The following TRIM37 variants were observed in gnomAD, a reference collection of about 807,000 sequenced individuals.
TRIM37 encodes tripartite motif containing 37.
Under a neutral mutation model 129.8 loss-of-function variants are expected in TRIM37, and 80 were observed. That is an observed-to-expected ratio of 0.62 (90% confidence interval 0.51 to 0.74). The LOEUF is 0.74. TRIM37 is among the 30% of genes least tolerant of loss of function. The pLI, the probability that TRIM37 is intolerant of heterozygous loss-of-function variation, is 0.00. For synonymous variants in TRIM37, 389 were observed against 387.1 expected, an observed-to-expected ratio of 1.00 and a Z score of -0.06; for missense variants, 1,054 against 1,176.5, an observed-to-expected ratio of 0.90 and a Z score of 1.52.
chr17:59,101,018 G>A (rs1348155728), intron 2 of TRIM37, among the ~76,000 whole-genome samples: 1 of 120,466 alleles, frequency 8.3e-6, no homozygotes, highest in Non-Finnish European at 1.7e-5. Context: ...GCAAAACGCC[G>A]TCTCAAAAAA....
chr17:59,088,517 A>ATTT, intron 3 of TRIM37, 110 bp from the exon 4 acceptor site: 1 of 605,066 alleles, frequency 1.7e-6, no homozygotes, highest in Non-Finnish European at 2.9e-6. Flanking sequence ...CCATAACACT[A>ATTT]TTTTTTTTTT....
chr17:59,075,720 G>A lies in TRIM37; in HGVS notation c.617-6C>T, dbSNP rs753866395. ...GGTTAGAGATGTCTTCTGACCTGATGAAAAATAGTGAATCATCAACACTTG... is the reference window on the plus strand; with the variant it reads ...GGTTAGAGATGTCTTCTGACCTGATAAAAAATAGTGAATCATCAACACTTG... On this transcript the variant is annotated splice_polypyrimidine_tract_variant and splice_region_variant and intron_variant, in intron 7 of 23. Coordinates refer to ENST00000262294, the MANE Select transcript of TRIM37 (RefSeq NM_015294.6). 1 of 1,600,688 alleles carries A rather than the reference G, an allele frequency of 6.2e-7. No individual in the cohort carries two copies. Among genetic ancestry groups the A allele is most frequent in the South Asian group, 1.1e-5 (1 of 90,706 alleles).
chr17:59,062,754 T>C, intron 10 of TRIM37, 106 bp from the exon 11 acceptor site: 1 of 880,822 alleles, frequency 1.1e-6, no homozygotes. Flanking sequence ...CTTGAAATCC[T>C]AGACAAATAA....
At chr17:59,070,366 T>C (rs183602043) in intron 9 of TRIM37, among the ~76,000 whole-genome samples, 1 of 152,306 alleles carries the variant, frequency 6.6e-6, no homozygotes, top group Non-Finnish European at 1.5e-5. Context: ...GGAGATATAG[T>C]TCAATTCAAA....
chr17:59,079,943 T>C, intron 6 of TRIM37, 66 bp from the exon 7 acceptor site: 1 of 1,538,656 alleles, frequency 6.5e-7, no homozygotes, highest in African/African-American at 1.4e-5. Context: ...CACCACATTA[T>C]AATATTGCCA....
chr17:59,077,012 T>C (rs2042866243), intron 7 of TRIM37, among the ~76,000 whole-genome samples: 1 of 152,154 alleles, frequency 6.6e-6, no homozygotes, highest in Admixed American at 6.5e-5. Flanking sequence ...GGTCTCAAAC[T>C]CCCAACCTCA....
intron 9 of TRIM37, among the ~76,000 whole-genome samples, chr17:59,064,833 C>T (rs2055306084): frequency 6.6e-6 from 1 of 152,082 alleles, no homozygotes; most frequent in Non-Finnish European, 1.5e-5. Context: ...ATCACTTGAA[C>T]CCTAGAGGTG....
the TRIM37 span, among the ~76,000 whole-genome samples, chr17:58,972,508 G>A: frequency 3.3e-5 from 5 of 152,102 alleles, no homozygotes; most frequent in Non-Finnish European, 4.4e-5. Flanking sequence ...GTGCCACCAC[G>A]CCCAGCTAAT....
intron 22 of TRIM37, among the ~76,000 whole-genome samples, chr17:59,007,147 C>A: frequency 2.2e-5 from 1 of 44,888 alleles, no homozygotes; most frequent in Non-Finnish European, 4.1e-5. Flanking sequence ...ACAACCCCAC[C>A]CCCACCCTCC....
At chr17:59,068,591 T>C (rs906029753) in intron 9 of TRIM37, among the ~76,000 whole-genome samples, 2 of 152,248 alleles carry the variant, frequency 1.3e-5, no homozygotes, top group Non-Finnish European at 2.9e-5. Context: ...CCAAATCTAC[T>C]TAATGACAGC....
At chr17:58,997,297 T>C (rs867723165), downstream of TRIM37, among the ~76,000 whole-genome samples, 1 of 152,180 alleles carries the variant, frequency 6.6e-6, no homozygotes, top group African/African-American at 2.4e-5. Context: ...CCTGAAATTA[T>C]CTCAAAATTA....
chr17:59,010,875 A>G (rs1396384294), intron 22 of TRIM37, among the ~76,000 whole-genome samples: 1 of 152,124 alleles, frequency 6.6e-6, no homozygotes, highest in African/African-American at 2.4e-5. Flanking sequence ...ACACATAGAA[A>G]GTAACTATTC....
At chr17:59,105,091 CAAAAAAAA>C (rs35249068) in intron 1 of TRIM37, among the ~76,000 whole-genome samples, 3 of 122,676 alleles carry the variant, frequency 2.4e-5, no homozygotes, top group African/African-American at 9.0e-5. Flanking sequence ...GATTCTGTCT[CAAAAAAAA>C]AAAAAAAGAA....
At chr17:58,990,728 T>C (rs1482983973) in intron 24 of TRIM37, among the ~76,000 whole-genome samples, 5 of 145,976 alleles carry the variant, frequency 3.4e-5, no homozygotes, top group Non-Finnish European at 6.0e-5. Flanking sequence ...GAGGCAGAGG[T>C]TGCAGTGAGT....
At chr17:59,106,111 C>G (rs905831609) in intron 1 of TRIM37, among the ~76,000 whole-genome samples, 5 of 152,164 alleles carry the variant, frequency 3.3e-5, no homozygotes, top group Non-Finnish European at 7.3e-5. Flanking sequence ...GGACTGGTGG[C>G]GAGTGGCAGG....
chr17:59,090,086 C>A (rs1032428791), intron 3 of TRIM37: 1 of 151,666 alleles, frequency 6.6e-6, no homozygotes, highest in African/African-American at 2.4e-5. Context: ...GACGACAGAG[C>A]GAGACTCTGT....
intron 22 of TRIM37, among the ~76,000 whole-genome samples, chr17:59,006,255 C>T (rs1425463409): frequency 6.6e-6 from 1 of 152,092 alleles, no homozygotes; most frequent in Non-Finnish European, 1.5e-5. Context: ...TCAATGATAG[C>T]AATTACAAGA....
chr17:59,091,493 A>C (rs1397216587), intron 2 of TRIM37, among the ~76,000 whole-genome samples, 153 bp from the exon 3 acceptor site: 1 of 118,778 alleles, frequency 8.4e-6, no homozygotes, highest in Non-Finnish European at 1.7e-5. Flanking sequence ...TATATAATAT[A>C]TTATTATATA....
At chr17:58,985,496 T>C (rs1443725973) in intron 24 of TRIM37, among the ~76,000 whole-genome samples, 2 of 152,216 alleles carry the variant, frequency 1.3e-5, no homozygotes, top group African/African-American at 2.4e-5. Flanking sequence ...ACTTCATTCT[T>C]AGAACTCTGC....
Sources: allele counts gnomAD v4.1 joint callset (sites outside exome capture counted in the v4.1 genomes callset), GRCh38; gene constraint gnomAD v4.1.1; transcripts MANE v1.5; gene names NCBI Gene and HGNC (gene_info 2026-07-23, HGNC 2026-07-21).